Variants in TSHR observed in about 807,000 individuals in gnomAD.
TSHR encodes the protein thyroid stimulating hormone receptor.
TSHR carries 51 observed loss-of-function variants against 64.1 expected under a neutral mutation model. The ratio of observed to expected loss-of-function variants is 0.80; its 90% CI spans 0.64 to 1.01. The LOEUF (loss-of-function observed/expected upper bound fraction) is 1.01. Ranked by LOEUF, TSHR falls within the 50% of genes least tolerant of loss-of-function variation. The pLI, the probability that TSHR is intolerant of heterozygous loss-of-function variation, is 0.00. For synonymous variants in TSHR, 361 were observed against 361.9 expected (o/e 1.00, Z 0.03); for missense variants, 877 against 942.8 (o/e 0.93, Z 0.91).
intron 8 of TSHR, among the ~76,000 whole-genome samples, chr14:81,127,138 A>G (rs765267715): frequency 8.5e-5 from 13 of 152,242 alleles, no homozygotes; most frequent in Non-Finnish European, 1.6e-4. Context: ...TAACAGAAAC[A>G]CAAAAAGCAG....
At chr14:81,056,614 C>G (rs1885821658) in intron 1 of TSHR, among the ~76,000 whole-genome samples, 1 of 151,998 alleles carries the variant, frequency 6.6e-6, no homozygotes, top group Non-Finnish European at 1.5e-5. Context: ...AGACCTAAAC[C>G]AATACTTGTG....
intron 1 of TSHR, among the ~76,000 whole-genome samples, chr14:80,987,826 T>C (rs563394048): frequency 6.3e-4 from 96 of 152,146 alleles, no homozygotes; most frequent in Non-Finnish European, 1.1e-3. Context: ...TGCCATCCCA[T>C]TGATACAAGG....
In TSHR at chr14:81,144,177, C is replaced by T. The variant is rs568577739; in HGVS notation, c.2119C>T (p.Arg707Trp). ...CTGTAAACGCCAGGCTCAGGCATAC[C>T]GGGGGCAGAGGGTTCCTCCAAAGAA... ...GICKRQAQAYRGQRVPPKNST... is the reference protein window; with the variant it reads ...GICKRQAQAYWGQRVPPKNST... The change falls in exon 10 of 10, where the codon CGG becomes TGG. Residue 707 changes from arginine to tryptophan, a missense_variant. Transcript: ENST00000298171. The T allele has an allele frequency of 1.4e-5, 23 of 1,613,810 alleles. No individual in the cohort carries two copies. Among genetic ancestry groups the T allele is most frequent in the Middle Eastern group, 1.6e-4 (1 of 6,084 alleles).
chr14:81,041,918 G>A (rs1884941621), intron 1 of TSHR, among the ~76,000 whole-genome samples: 1 of 152,194 alleles, frequency 6.6e-6, no homozygotes, highest in East Asian at 1.9e-4. Context: ...TAACAACATT[G>A]CGTTGTAATG....
At chr14:81,108,807 A>G (rs891711312) in intron 8 of TSHR, 1 of 1,550,894 alleles carries the variant, frequency 6.4e-7, no homozygotes, top group Non-Finnish European at 8.7e-7. Flanking sequence ...GTCTTTGCAG[A>G]AAAAAATGTA....
At position 81,144,232 on chromosome 14, in the gene TSHR, C is replaced by T. The variant is rs753124031; in HGVS notation, c.2174C>T (p.Thr725Ile). ...NSTDIQVQKV[T>I]HEMRQGLHNM... ...ACTGATATTCAGGTTCAAAAGGTTA[C>T]CCACGAGATGAGGCAGGGTCTCCAC... The change falls in exon 10 of 10, where the codon ACC (threonine) becomes ATC (isoleucine). Residue 725 changes from threonine (T) to isoleucine (I), a missense_variant. Physicochemically the swap from Thr to Ile is moderately conservative, Grantham distance 89. Coordinates refer to ENST00000298171, the MANE Select transcript of TSHR (RefSeq NM_000369.5). 1.2e-5 allele frequency: 19 copies of T among 1,613,260 alleles called. No individual in the cohort carries two copies. The highest frequency in any genetic ancestry group is 1.4e-5 in the Non-Finnish European group (17 of 1,179,512).
chr14:80,974,335 C>T (rs1003027221), intron 1 of TSHR, among the ~76,000 whole-genome samples: 1 of 152,164 alleles, frequency 6.6e-6, no homozygotes, highest in African/African-American at 2.4e-5. Context: ...TTATCTTCTT[C>T]CAGATATATT....
intron 1 of TSHR, among the ~76,000 whole-genome samples, chr14:81,018,685 ACTC>A (rs1386182069): frequency 1.3e-5 from 2 of 151,926 alleles, no homozygotes; most frequent in Non-Finnish European, 2.9e-5. Context: ...GGGAGAAAAC[ACTC>A]CTCCTCCTTT....
At chr14:81,102,794 G>A in intron 7 of TSHR, 1 of 985,408 alleles carries the variant, frequency 1.0e-6, no homozygotes, top group African/African-American at 1.7e-5. Context: ...TGACCATTGT[G>A]TGGCGAAATA....
At chr14:81,020,169 T>C (rs1343055476) in intron 1 of TSHR, among the ~76,000 whole-genome samples, 2 of 152,166 alleles carry the variant, frequency 1.3e-5, no homozygotes, top group Non-Finnish European at 2.9e-5. Context: ...TTAACAAACA[T>C]TGTTGAATGG....
chr14:81,096,001 G>T (rs1338951094), intron 6 of TSHR, among the ~76,000 whole-genome samples: 1 of 148,572 alleles, frequency 6.7e-6, no homozygotes, highest in Non-Finnish European at 1.5e-5. Context: ...GATTGAGCCA[G>T]TGTACTCCAG....
chr14:81,000,598 C>T (rs1029898950), intron 1 of TSHR, among the ~76,000 whole-genome samples: 10 of 151,588 alleles, frequency 6.6e-5, no homozygotes, highest in African/African-American at 2.4e-4. Context: ...CTTCATGGGT[C>T]GCAGTCAGAC....
intron 9 of TSHR, among the ~76,000 whole-genome samples, chr14:81,140,433 C>T (rs183185008): frequency 6.6e-6 from 1 of 152,172 alleles, no homozygotes; most frequent in Admixed American, 6.5e-5. Context: ...GATCCTAATA[C>T]TAACATTCAT....
chr14:81,026,269 A>C (rs1884046129), intron 1 of TSHR, among the ~76,000 whole-genome samples: 1 of 152,226 alleles, frequency 6.6e-6, no homozygotes, highest in Non-Finnish European at 1.5e-5. Context: ...AAGCAGGTGC[A>C]CAATAAATAT....
chr14:81,010,493 T>C (rs28410717), intron 1 of TSHR, among the ~76,000 whole-genome samples: 15,449 of 151,836 alleles, frequency 0.1, 2,538 homozygotes, highest in African/African-American at 0.35. Context: ...TTTTTCTTTT[T>C]TAATGAGCTT....
Position 81,103,780 on chromosome 14 carries a change from G to A in TSHR, c.615-4595G>A, listed in dbSNP as rs1889729621. On this transcript the variant is annotated intron_variant, in intron 7 of 9. Coordinates refer to ENST00000298171, the MANE Select transcript of TSHR (RefSeq NM_000369.5). This position sits in a 1 kb window ranked among gnomAD's most constrained non-coding sequence, Gnocchi z 4.1. ...TCCATCCTCTTTCCACGCAATCTGC[G>A]TGGGGATATGTTGCTTCTCACAGAA... 5 of 985,446 alleles carry A rather than the reference G, an allele frequency of 5.1e-6. No individual in the cohort carries two copies. The highest frequency in any genetic ancestry group is 4.7e-5 in the South Asian group (1 of 21,292). 61.0% of individuals were successfully genotyped at this position (985,446 alleles called of 1,614,324 possible).
At chr14:81,059,851 C>T (rs529679752) in intron 1 of TSHR, among the ~76,000 whole-genome samples, 1 of 152,072 alleles carries the variant, frequency 6.6e-6, no homozygotes, top group African/African-American at 2.4e-5. Context: ...TGTGCCACAA[C>T]TAACTCAATA....
At chr14:81,071,659 G>C (rs1021670412) in intron 3 of TSHR, among the ~76,000 whole-genome samples, 1 of 152,106 alleles carries the variant, frequency 6.6e-6, no homozygotes, top group African/African-American at 2.4e-5. Context: ...TACATGGGAG[G>C]CTGAGGTGAG....
intron 1 of TSHR, among the ~76,000 whole-genome samples, chr14:81,042,923 T>C (rs1460411583): frequency 6.6e-6 from 1 of 152,036 alleles, no homozygotes; most frequent in Non-Finnish European, 1.5e-5. Flanking sequence ...ACAATTATAA[T>C]GTGTCAGTAA....
Sources: allele counts gnomAD v4.1 joint callset (sites outside exome capture counted in the v4.1 genomes callset), GRCh38; gene constraint gnomAD v4.1.1; non-coding constraint Gnocchi (gnomAD v3.1); transcripts MANE v1.5; gene names NCBI Gene and HGNC (gene_info 2026-07-23, HGNC 2026-07-21).